GRM8: variants seen among roughly 807,000 people sequenced by gnomAD.
GRM8 encodes the protein metabotropic glutamate receptor 8.
GRM8 carries 47 observed loss-of-function variants against 87.2 expected under a neutral mutation model. That is an observed-to-expected ratio of 0.54 (90% CI 0.43 to 0.69). GRM8 has a LOEUF of 0.69. Among genes scored for constraint, GRM8 ranks in the 30% least tolerant of loss-of-function variants. The probability of loss-of-function intolerance (pLI) is 0.00; values close to 1 mark genes in which losing one functional copy is unlikely to be tolerated. For synonymous variants in GRM8, 396 were observed against 404.5 expected (o/e 0.98, Z 0.25); for missense variants, 1,019 against 1,139.2 (o/e 0.89, Z 1.52).
chr7:126,855,136 C>A (rs1004494527), intron 6 of GRM8, among the ~76,000 whole-genome samples: 1 of 152,002 alleles, frequency 6.6e-6, no homozygotes, highest in Non-Finnish European at 1.5e-5. Context: ...AGATGTAGAC[C>A]ATAACCTTAA....
chr7:127,229,015 C>T (rs1023792617), intron 2 of GRM8: 4 of 152,092 alleles, frequency 2.6e-5, no homozygotes, highest in African/African-American at 9.7e-5. Flanking sequence ...TCCTATACCA[C>T]TACAATATTT....
chr7:126,602,399 T>C (rs1797885178), intron 8 of GRM8, among the ~76,000 whole-genome samples: 1 of 120,332 alleles, frequency 8.3e-6, no homozygotes, highest in Admixed American at 8.7e-5. Context: ...TGGCTTAGGA[T>C]TGACTTGGCG....
At chr7:127,119,969 A>G (rs1047733351) in intron 2 of GRM8, among the ~76,000 whole-genome samples, 2 of 152,184 alleles carry the variant, frequency 1.3e-5, no homozygotes, top group Non-Finnish European at 2.9e-5. Flanking sequence ...AGTGAGTTCC[A>G]GACCCATGTC....
intron 9 of GRM8, among the ~76,000 whole-genome samples, chr7:126,521,060 C>T (rs913280508): frequency 5.3e-5 from 8 of 152,038 alleles, no homozygotes; most frequent in African/African-American, 1.9e-4. Context: ...TCACTATCTA[C>T]CAATACTATT....
intron 2 of GRM8, among the ~76,000 whole-genome samples, chr7:127,174,165 A>C (rs149999835): frequency 6.6e-6 from 1 of 152,314 alleles, no homozygotes; most frequent in East Asian, 1.9e-4. Flanking sequence ...AAACGTACAC[A>C]AGATGTACGT....
chr7:126,774,372 G>T (rs1214981992), intron 6 of GRM8, among the ~76,000 whole-genome samples: 2 of 152,158 alleles, frequency 1.3e-5, no homozygotes, highest in African/African-American at 4.8e-5. Context: ...TTATGCTATA[G>T]TTTCTAAAGT....
In GRM8 at chr7:126,984,416, G is replaced by T. The variant is rs561727260; in HGVS notation, c.728-79733C>A. Among the ~76,000 whole-genome samples, 13 of 149,542 alleles carry T rather than the reference G, an allele frequency of 8.7e-5. No individual in the cohort carries two copies. In the East Asian group the frequency reaches 1.6e-3, roughly 18 times the overall value. ...AAGGCAGACCCACCCTCAATCAGGG[G>T]TTCACCTAATTAGCTGCCAGCACAG... On this transcript the variant is annotated intron_variant, in intron 3 of 10. Transcript: ENST00000339582.
intron 6 of GRM8, among the ~76,000 whole-genome samples, chr7:126,787,759 T>A (rs769703588): frequency 5.9e-5 from 9 of 152,190 alleles, no homozygotes; most frequent in Non-Finnish European, 1.0e-4. Flanking sequence ...CGATATCTTT[T>A]TTTTATTTCT....
intron 3 of GRM8, among the ~76,000 whole-genome samples, chr7:126,956,680 T>C (rs1808721085): frequency 6.6e-6 from 1 of 152,174 alleles, no homozygotes; most frequent in African/African-American, 2.4e-5. Flanking sequence ...ACAACTTGAC[T>C]TCTTTATTAT....
intron 8 of GRM8, among the ~76,000 whole-genome samples, chr7:126,552,477 A>G (rs537419732): frequency 2.0e-5 from 3 of 152,298 alleles, no homozygotes; most frequent in Admixed American, 1.3e-4. Context: ...TAATAAAGCA[A>G]ATATGTGCTA....
rs534362112 is a variant in GRM8, at chr7:126,673,019, A to G, written c.1358-63521T>C. Among the ~76,000 whole-genome samples, 11 of 152,292 alleles carry G rather than the reference A, an allele frequency of 7.2e-5. No homozygotes were observed. The South Asian group carries it at 2.3e-3, about 32-fold the overall frequency. ...CTCTAGAAGGTGGTATGAGACAGCC[A>G]GGTGGGAGGGGGTGCCTGGAGAAAC... On this transcript the variant is annotated intron_variant, in intron 7 of 10. Transcript: ENST00000339582.
intron 6 of GRM8, among the ~76,000 whole-genome samples, chr7:126,845,898 G>A (rs888001208): frequency 6.6e-6 from 1 of 151,956 alleles, no homozygotes; most frequent in Admixed American, 6.6e-5. Flanking sequence ...TTAGAGTGAT[G>A]TAGAGAAGGA....
intron 3 of GRM8, among the ~76,000 whole-genome samples, chr7:127,035,101 A>G (rs763765946): frequency 2.0e-5 from 3 of 152,228 alleles, no homozygotes; most frequent in African/African-American, 7.2e-5. Context: ...AATAATGCCA[A>G]TGTTGGAAAT....
chr7:126,995,289 T>C (rs1255179311), intron 3 of GRM8, among the ~76,000 whole-genome samples: 1 of 152,162 alleles, frequency 6.6e-6, no homozygotes, highest in Non-Finnish European at 1.5e-5. Flanking sequence ...AACTCTTTAA[T>C]GCCCAGACAC....
At chr7:127,177,929 C>T (rs1380325014) in intron 2 of GRM8, among the ~76,000 whole-genome samples, 2 of 152,140 alleles carry the variant, frequency 1.3e-5, no homozygotes, top group African/African-American at 4.8e-5. Flanking sequence ...GGTAATATGA[C>T]AATACAACGC....
At chr7:126,806,416 C>G (rs1792722810) in intron 6 of GRM8, among the ~76,000 whole-genome samples, 1 of 152,206 alleles carries the variant, frequency 6.6e-6, no homozygotes, top group Non-Finnish European at 1.5e-5. Context: ...AGCGAAAGAA[C>G]AAAACCTCCA....
chr7:126,499,228 A>T (rs1049302865), intron 9 of GRM8, among the ~76,000 whole-genome samples: 6 of 151,236 alleles, frequency 4.0e-5, no homozygotes, highest in African/African-American at 1.5e-4. Flanking sequence ...TTAAGGTTCT[A>T]TTTTATTTTT....
chr7:127,012,203 G>T (rs1353960207), intron 3 of GRM8, among the ~76,000 whole-genome samples: 1 of 152,074 alleles, frequency 6.6e-6, no homozygotes, highest in African/African-American at 2.4e-5. Context: ...TCCACCTGAA[G>T]CCAATCCATC....
chr7:126,640,845 T>C (rs992815031), intron 7 of GRM8, among the ~76,000 whole-genome samples: 31 of 152,174 alleles, frequency 2.0e-4, no homozygotes, highest in African/African-American at 7.2e-4. Context: ...GAGAAGAGCG[T>C]CCCTATCTGA....
Sources: gnomAD v4.1 joint callset for allele counts (sites outside exome capture counted in the v4.1 genomes callset) on GRCh38, gnomAD v4.1.1 for gene constraint, MANE v1.5 for transcripts, NCBI Gene and HGNC (gene_info 2026-07-23, HGNC 2026-07-21) for gene names.